HNF4G: variants seen among roughly 807,000 people sequenced by gnomAD.
The protein encoded by HNF4G is hepatocyte nuclear factor 4-gamma.
A neutral mutation model predicts 50.9 loss-of-function variants in HNF4G; 21 were observed. That is an observed-to-expected ratio of 0.41 (90% CI 0.29 to 0.59). The LOEUF (loss-of-function observed/expected upper bound fraction) is 0.59. Among genes scored for constraint, HNF4G ranks in the 20% least tolerant of loss-of-function variants. The pLI, the probability that HNF4G is intolerant of heterozygous loss-of-function variation, is 0.26. For missense variants in HNF4G, 527 were observed against 559.4 expected, an observed-to-expected ratio of 0.94 and a Z score of 0.58; for synonymous variants, 198 against 185.6, an observed-to-expected ratio of 1.07 and a Z score of -0.54.
chr8:75,534,554 T>C (rs1806411043), intron 2 of HNF4G, among the ~76,000 whole-genome samples: 1 of 151,896 alleles, frequency 6.6e-6, no homozygotes, highest in South Asian at 2.1e-4. Context: ...TACATTTATT[T>C]GTATAACTAG....
intron 2 of HNF4G, among the ~76,000 whole-genome samples, chr8:75,521,539 C>T (rs1267650463): frequency 6.6e-6 from 1 of 152,078 alleles, no homozygotes; most frequent in Non-Finnish European, 1.5e-5. Context: ...ATTCTTACTA[C>T]TCTTTTTAGG....
At chr8:75,513,947 C>CA (rs936201555) in intron 2 of HNF4G, among the ~76,000 whole-genome samples, 1 of 151,690 alleles carries the variant, frequency 6.6e-6, no homozygotes, top group African/African-American at 2.4e-5. Context: ...GAATCATTGA[C>CA]AAAAAAACAT....
At chr8:75,514,745 T>C (rs968014300) in intron 2 of HNF4G, among the ~76,000 whole-genome samples, 14 of 152,264 alleles carry the variant, frequency 9.2e-5, no homozygotes, top group Middle Eastern at 3.4e-3. Flanking sequence ...TTTTAGAAAA[T>C]TTATAAATTT....
Position 75,412,283 on chromosome 8 carries a change from T to TA in HNF4G, c.-144+4121_-144+4122insA, listed in dbSNP as rs374602306. Among the ~76,000 whole-genome samples the TA allele has an allele frequency of 1.5e-3, 224 of 152,334 alleles. 1 individual carries two copies. The highest frequency in any genetic ancestry group is 4.8e-3 in the African/African-American group (198 of 41,578). On this transcript the variant is annotated intron_variant, in intron 1 of 10. Coordinates refer to the HNF4G transcript ENST00000354370. ...TTGGCTTTGGAGTTATTCCTACCTG[T>TA]GTGCAGATCTCAATTCTGCCGCCTG...
At chr8:75,442,712 T>C (rs1171415313) in intron 1 of HNF4G, among the ~76,000 whole-genome samples, 1 of 152,268 alleles carries the variant, frequency 6.6e-6, no homozygotes, top group African/African-American at 2.4e-5. Flanking sequence ...CATAAATATT[T>C]CCTAAAGCCT....
intron 1 of HNF4G, among the ~76,000 whole-genome samples, chr8:75,448,402 A>G (rs189268208): frequency 0.069 from 9,669 of 140,358 alleles, 354 homozygotes; most frequent in Middle Eastern, 0.11. Context: ...CACAATGTGC[A>G]CATGTACCCT....
intron 2 of HNF4G, among the ~76,000 whole-genome samples, chr8:75,530,789 A>G (rs1382945368): frequency 8.4e-6 from 1 of 118,892 alleles, no homozygotes; most frequent in African/African-American, 4.0e-5. Flanking sequence ...GCATTGTTCA[A>G]TGTGCTTTTT....
intron 1 of HNF4G, among the ~76,000 whole-genome samples, chr8:75,487,028 T>G (rs1156429639): frequency 1.4e-5 from 2 of 141,354 alleles, no homozygotes; most frequent in East Asian, 4.2e-4. Context: ...AAGAAAAAAC[T>G]AGGTAATGTT....
intron 2 of HNF4G, among the ~76,000 whole-genome samples, chr8:75,495,976 A>G (rs996295267): frequency 6.6e-6 from 1 of 152,242 alleles, no homozygotes; most frequent in Admixed American, 6.5e-5. Context: ...CCTCTTCAAC[A>G]AAGTCTTTAA....
chr8:75,417,301 C>T (rs918268156), intron 1 of HNF4G, among the ~76,000 whole-genome samples: 1 of 152,244 alleles, frequency 6.6e-6, no homozygotes, highest in African/African-American at 2.4e-5. Flanking sequence ...GCTGGGATTA[C>T]AGGGAGTTAA....
At chr8:75,461,328 G>A (rs1291797286) in intron 1 of HNF4G, among the ~76,000 whole-genome samples, 1 of 151,708 alleles carries the variant, frequency 6.6e-6, no homozygotes, top group East Asian at 1.9e-4. Flanking sequence ...CCATTCCTTG[G>A]CCCCTTCCGC....
rs796836958 is a variant in HNF4G, at chr8:75,496,690, G to T, written c.-24+6482G>T. On this transcript the variant is annotated intron_variant, in intron 2 of 10. Coordinates refer to the HNF4G transcript ENST00000354370. ...CATGAAGGAGCTCCTATAATATTTG[G>T]TTTTTATTCCATGAAAATTAATAAG... Among the ~76,000 whole-genome samples, 26 of 151,974 alleles carry T rather than the reference G, an allele frequency of 1.7e-4. 1 individual carries two copies. In the East Asian group the frequency reaches 4.8e-3, roughly 28 times the overall value.
At chr8:75,508,571 G>A (rs577988664) in intron 2 of HNF4G, among the ~76,000 whole-genome samples, 1 of 152,034 alleles carries the variant, frequency 6.6e-6, no homozygotes, top group African/African-American at 2.4e-5. Context: ...CAGCTAGTAG[G>A]TATACAGCTT....
chr8:75,424,690 G>C (rs573989656), intron 1 of HNF4G, among the ~76,000 whole-genome samples: 1 of 152,264 alleles, frequency 6.6e-6, no homozygotes, highest in South Asian at 2.1e-4. Context: ...GCCTCCAGTT[G>C]CATCCATTCT....
intron 1 of HNF4G, among the ~76,000 whole-genome samples, chr8:75,439,301 A>C (rs1029799249): frequency 6.6e-6 from 1 of 152,022 alleles, no homozygotes; most frequent in Non-Finnish European, 1.5e-5. Context: ...TCAAATCTCC[A>C]TCCATAACCT....
intron 2 of HNF4G, chr8:75,495,535 ATT>A (rs10659091): frequency 2.8e-4 from 38 of 134,820 alleles, no homozygotes; most frequent in Admixed American, 4.5e-4. Flanking sequence ...AACACTTCTA[ATT>A]TTTTTTTTTT....
At chr8:75,470,733 C>T (rs61667879) in intron 1 of HNF4G, among the ~76,000 whole-genome samples, 24,496 of 152,128 alleles carry the variant, frequency 0.16, 2,282 homozygotes, top group African/African-American at 0.25. Context: ...GACATTGTGT[C>T]AAGGCAATAG....
At chr8:75,437,142 C>T (rs1050459551) in intron 1 of HNF4G, among the ~76,000 whole-genome samples, 1 of 152,080 alleles carries the variant, frequency 6.6e-6, no homozygotes, top group East Asian at 1.9e-4. Flanking sequence ...TTTGCATTGC[C>T]CATGACCAAC....
At chr8:75,444,137 G>C (rs543530810) in intron 1 of HNF4G, among the ~76,000 whole-genome samples, 5 of 151,992 alleles carry the variant, frequency 3.3e-5, no homozygotes, top group Admixed American at 6.5e-5. Context: ...CATTCTTAAA[G>C]AAAAGAATTT....
Sources: allele counts gnomAD v4.1 joint callset (sites outside exome capture counted in the v4.1 genomes callset), GRCh38; gene constraint gnomAD v4.1.1; transcripts MANE v1.5; gene names NCBI Gene and HGNC (gene_info 2026-07-23, HGNC 2026-07-21).